Variants in SERGEF observed in about 807,000 individuals in gnomAD.
SERGEF encodes secretion regulating guanine nucleotide exchange factor.
In SERGEF, 51 loss-of-function variants were observed where a neutral mutation model predicts 50.0. The ratio of observed to expected loss-of-function variants is 1.02; its 90% CI spans 0.81 to 1.29. SERGEF has a LOEUF of 1.29. Among genes scored for constraint, SERGEF ranks in the 50% most tolerant of loss-of-function variants. The pLI is 0.00. For missense variants in SERGEF, 521 were observed against 557.0 expected, an observed-to-expected ratio of 0.94 and a Z score of 0.65; for synonymous variants, 205 against 212.4, an observed-to-expected ratio of 0.97 and a Z score of 0.30.
At chr11:17,953,449 C>T (rs538671545) in intron 9 of SERGEF, among the ~76,000 whole-genome samples, 2 of 152,334 alleles carry the variant, frequency 1.3e-5, no homozygotes, top group Non-Finnish European at 2.9e-5. Context: ...AACTTCAGGG[C>T]TGTTCTGAGC....
intron 9 of SERGEF, among the ~76,000 whole-genome samples, chr11:17,953,442 T>G (rs1852807391): frequency 6.6e-6 from 1 of 152,332 alleles, no homozygotes; most frequent in South Asian, 2.1e-4. Context: ...TGTAAGAAAC[T>G]TCAGGGCTGT....
intron 9 of SERGEF, among the ~76,000 whole-genome samples, chr11:17,940,893 A>C (rs1852550384): frequency 6.6e-6 from 1 of 152,216 alleles, no homozygotes; most frequent in Admixed American, 6.5e-5. Context: ...AATTGTGGCC[A>C]AAAGCATTAC....
chr11:17,878,106 T>C, intron 10 of SERGEF, 102 bp downstream of exon 10: 8 of 805,566 alleles, frequency 9.9e-6, no homozygotes, highest in Non-Finnish European at 1.7e-5. Context: ...CTAACACACA[T>C]GCATGAGTGC....
intron 1 of SERGEF, 43 bp downstream of exon 1, chr11:18,012,908 C>G: frequency 6.5e-7 from 1 of 1,536,162 alleles, no homozygotes; most frequent in Non-Finnish European, 8.7e-7. Flanking sequence ...CACATCTCGG[C>G]GCCCCTCAGG....
At chr11:17,833,770 G>T (rs1345008796) in intron 10 of SERGEF, among the ~76,000 whole-genome samples, 5 of 152,192 alleles carry the variant, frequency 3.3e-5, no homozygotes, top group Non-Finnish European at 2.9e-5. Context: ...TGCCCCGCTG[G>T]ATTCTGGACT....
At chr11:17,908,266 C>T (rs1851887956) in intron 9 of SERGEF, among the ~76,000 whole-genome samples, 1 of 152,180 alleles carries the variant, frequency 6.6e-6, no homozygotes, top group Non-Finnish European at 1.5e-5. Context: ...CTCACCATCC[C>T]TACAGGCTCT....
chr11:17,913,327 T>C (rs957075005), intron 9 of SERGEF, among the ~76,000 whole-genome samples: 1 of 152,212 alleles, frequency 6.6e-6, no homozygotes, highest in Non-Finnish European at 1.5e-5. Flanking sequence ...TTCAGCTGTT[T>C]ATAAATGAGC....
intron 8 of SERGEF, among the ~76,000 whole-genome samples, chr11:17,971,508 A>G (rs1360021513): frequency 6.6e-6 from 1 of 152,222 alleles, no homozygotes; most frequent in Non-Finnish European, 1.5e-5. Context: ...GGAACAACAG[A>G]GCCTGGATGA....
At chr11:17,954,711 T>C (rs1449391774) in intron 9 of SERGEF, among the ~76,000 whole-genome samples, 1 of 152,318 alleles carries the variant, frequency 6.6e-6, no homozygotes, top group South Asian at 2.1e-4. Context: ...CATGCACGTG[T>C]ATACTGAGTT....
chr11:17,864,638 CAG>C (rs1166674445), intron 10 of SERGEF, among the ~76,000 whole-genome samples: 1 of 152,132 alleles, frequency 6.6e-6, no homozygotes, highest in Non-Finnish European at 1.5e-5. Context: ...ACGAATATAT[CAG>C]TTCCAGGGCT....
chr11:17,827,111 G>T (rs1237698496), intron 10 of SERGEF, among the ~76,000 whole-genome samples: 1 of 152,252 alleles, frequency 6.6e-6, no homozygotes, highest in Non-Finnish European at 1.5e-5. Flanking sequence ...GATGTAGGGG[G>T]TAGAAAGGTC....
At chr11:17,923,886 T>C (rs894875005) in intron 9 of SERGEF, among the ~76,000 whole-genome samples, 3 of 152,246 alleles carry the variant, frequency 2.0e-5, no homozygotes, top group Non-Finnish European at 4.4e-5. Context: ...AGCTCCTTGA[T>C]GGAAGAGACT....
At chr11:17,998,440 CATATAT>C (rs60861006) in intron 5 of SERGEF, among the ~76,000 whole-genome samples, 1,232 of 33,122 alleles carry the variant, frequency 0.037, 13 homozygotes, top group East Asian at 0.092. Context: ...TACATACATA[CATATAT>C]ATATATATAT....
At chr11:17,813,655 C>A (rs1849912744) in intron 10 of SERGEF, among the ~76,000 whole-genome samples, 1 of 152,180 alleles carries the variant, frequency 6.6e-6, no homozygotes, top group African/African-American at 2.4e-5. Context: ...TCAGTCACTG[C>A]TAACTAACCT....
chr11:17,942,963 A>G (rs533468842), intron 9 of SERGEF, among the ~76,000 whole-genome samples: 1 of 152,260 alleles, frequency 6.6e-6, no homozygotes, highest in East Asian at 1.9e-4. Flanking sequence ...GTCATGATAT[A>G]TTATCCTTTT....
chr11:17,926,184 C>T (rs773385176), intron 9 of SERGEF, among the ~76,000 whole-genome samples: 1 of 151,766 alleles, frequency 6.6e-6, no homozygotes, highest in African/African-American at 2.4e-5. Flanking sequence ...TTTTTTTTCC[C>T]AATTGGGGCA....
intron 10 of SERGEF, among the ~76,000 whole-genome samples, chr11:17,791,449 G>A (rs576385683): frequency 1.3e-5 from 2 of 152,334 alleles, no homozygotes; most frequent in African/African-American, 2.4e-5. Context: ...GTATTATAAT[G>A]TTGAAAGATC....
intron 8 of SERGEF, among the ~76,000 whole-genome samples, chr11:17,969,624 G>A (rs1338817686): frequency 2.6e-5 from 4 of 152,142 alleles, no homozygotes; most frequent in African/African-American, 9.7e-5. Context: ...GGAATGATCT[G>A]CCCAAGGACA....
chr11:17,927,426 T>C lies in SERGEF; in HGVS notation c.1011+32044A>G, dbSNP rs541191361. 4.6e-5 allele frequency among the ~76,000 whole-genome samples: 7 copies of C among 152,350 alleles called. 1 individual carries two copies. The highest frequency in any genetic ancestry group is 4.6e-4 in the Admixed American group (7 of 15,308). ...CGATTTTGGTTCTGTGAGGCTGCTGTAAACATGAAAATGCAAGTAGGAAAC... is the reference window on the plus strand; with the variant it reads ...CGATTTTGGTTCTGTGAGGCTGCTGCAAACATGAAAATGCAAGTAGGAAAC... On this transcript the variant is annotated intron_variant, in intron 9 of 10. Coordinates refer to ENST00000265965, the MANE Select transcript of SERGEF (RefSeq NM_012139.4).
Sources: gnomAD v4.1 joint callset for allele counts (sites outside exome capture counted in the v4.1 genomes callset) on GRCh38, gnomAD v4.1.1 for gene constraint, MANE v1.5 for transcripts, NCBI Gene and HGNC (gene_info 2026-07-23, HGNC 2026-07-21) for gene names.